Variants in RBFOX1 observed in about 807,000 individuals in gnomAD.
RBFOX1 encodes the protein RNA binding protein fox-1 homolog 1.
Under a neutral mutation model 57.7 loss-of-function variants are expected in RBFOX1, and 8 were observed. The observed-to-expected ratio is 0.14, with a 90% CI of 0.08 to 0.25. RBFOX1 has a LOEUF of 0.25. Among genes scored for constraint, RBFOX1 ranks in the 10% least tolerant of loss-of-function variants. The probability of loss-of-function intolerance (pLI) is 1.00; values close to 1 mark genes in which losing one functional copy is unlikely to be tolerated. For synonymous variants in RBFOX1, 326 were observed against 222.4 expected, an observed-to-expected ratio of 1.47 and a Z score of -4.15; for missense variants, 611 against 548.5, an observed-to-expected ratio of 1.11 and a Z score of -1.14.
At chr16:7,480,203 A>G (rs1749560709) in intron 4 of RBFOX1, among the ~76,000 whole-genome samples, 3 of 152,140 alleles carry the variant, frequency 2.0e-5, no homozygotes, top group Admixed American at 2.0e-4. Context: ...GGGTGAGGGG[A>G]TGTTCGTCTT....
At chr16:5,345,220 C>T (rs551224787) in intron 1 of RBFOX1, among the ~76,000 whole-genome samples, 21 of 152,308 alleles carry the variant, frequency 1.4e-4, no homozygotes, top group East Asian at 5.8e-4. Flanking sequence ...GTTCTCATTC[C>T]GCTTTGTGGC....
chr16:5,673,169 A>C (rs2050065635), intron 3 of RBFOX1, among the ~76,000 whole-genome samples: 1 of 152,114 alleles, frequency 6.6e-6, no homozygotes, highest in African/African-American at 2.4e-5. Flanking sequence ...TAGAAAAGAA[A>C]AATGGTTTTG....
intron 4 of RBFOX1, among the ~76,000 whole-genome samples, chr16:7,253,943 A>C (rs767337896): frequency 2.0e-5 from 3 of 152,168 alleles, no homozygotes; most frequent in Non-Finnish European, 4.4e-5. Flanking sequence ...GTATCTAGAA[A>C]GGGGACTATT....
intron 5 of RBFOX1, among the ~76,000 whole-genome samples, chr16:7,578,834 G>A (rs1567927964): frequency 6.6e-6 from 1 of 152,202 alleles, no homozygotes; most frequent in Non-Finnish European, 1.5e-5. Flanking sequence ...CCGAGAGTAT[G>A]GCAGTGGCTA....
intron 1 of RBFOX1, among the ~76,000 whole-genome samples, chr16:5,360,376 C>T (rs2065511187): frequency 6.6e-6 from 1 of 152,208 alleles, no homozygotes; most frequent in Non-Finnish European, 1.5e-5. Flanking sequence ...CTGTGTTCTG[C>T]TTCTTGAAAC....
At chr16:7,259,208 G>C (rs182741136) in intron 4 of RBFOX1, among the ~76,000 whole-genome samples, 16 of 152,238 alleles carry the variant, frequency 1.1e-4, no homozygotes, top group Admixed American at 8.5e-4. Context: ...ACTTGAGTAA[G>C]GGCTTTCTCT....
At chr16:6,572,443 C>T (rs751015124) in intron 2 of RBFOX1, among the ~76,000 whole-genome samples, 10 of 152,156 alleles carry the variant, frequency 6.6e-5, no homozygotes, top group Admixed American at 6.6e-4. Flanking sequence ...CTTTGTTGGG[C>T]TCTTATCTAA....
At chr16:6,588,314 C>G (rs1269113367) in intron 2 of RBFOX1, among the ~76,000 whole-genome samples, 1 of 151,860 alleles carries the variant, frequency 6.6e-6, no homozygotes, top group Non-Finnish European at 1.5e-5. Context: ...CTGGAACATG[C>G]ATCGCACTTA....
chr16:5,404,121 G>A (rs1440359584), intron 1 of RBFOX1, among the ~76,000 whole-genome samples: 1 of 151,432 alleles, frequency 6.6e-6, no homozygotes, highest in Non-Finnish European at 1.5e-5. Context: ...AGGAGATGGG[G>A]ATGATTAACA....
rs765676134 is a variant in RBFOX1 at position 5,239,859 on chromosome 16, C to G, written c.-28C>G. On this transcript the variant is annotated 5_prime_UTR_variant, in exon 1 of 3. Transcript: ENST00000585867. The stretch of plus-strand genomic sequence containing the variant: ...CGCTCGCGCCGGGTCCTTCCTCTTC[C>G]CCAAGTGCAGGCAGAGCCCCCGGAG... 7.6e-6 allele frequency: 7 copies of G among 917,218 alleles called. No homozygotes were observed. The South Asian group carries it at 9.8e-5, about 13-fold the overall frequency. 56.8% of individuals were successfully genotyped at this position (917,218 alleles called of 1,614,324 possible).
intron 1 of RBFOX1, among the ~76,000 whole-genome samples, chr16:6,259,084 A>G (rs1032152108): frequency 1.3e-5 from 2 of 152,170 alleles, no homozygotes; most frequent in East Asian, 1.9e-4. Flanking sequence ...TAATTTTACT[A>G]TGTCAGACAG....
chr16:7,344,176 A>G (rs541190385), intron 4 of RBFOX1, among the ~76,000 whole-genome samples: 2 of 142,780 alleles, frequency 1.4e-5, no homozygotes, highest in Non-Finnish European at 3.0e-5. Flanking sequence ...AAAATGGCCC[A>G]TATTAAAAGT....
At chr16:6,380,360 A>G (rs1291717371) in intron 2 of RBFOX1, among the ~76,000 whole-genome samples, 5 of 143,814 alleles carry the variant, frequency 3.5e-5, no homozygotes, top group Admixed American at 1.4e-4. Flanking sequence ...CCCCTCCCCA[A>G]CTTATAATGA....
At chr16:6,150,497 T>C (rs904826029) in intron 1 of RBFOX1, among the ~76,000 whole-genome samples, 4 of 152,220 alleles carry the variant, frequency 2.6e-5, no homozygotes, top group African/African-American at 9.6e-5. Flanking sequence ...TTAGTGCCTA[T>C]GTTGACCAGC....
At chr16:7,303,806 C>T (rs969871282) in intron 4 of RBFOX1, among the ~76,000 whole-genome samples, 4 of 150,796 alleles carry the variant, frequency 2.7e-5, no homozygotes, top group Non-Finnish European at 5.9e-5. Context: ...CTCTCTCTTC[C>T]TCTCTCCCTC....
chr16:5,860,793 A>G (rs899623428), intron 3 of RBFOX1, among the ~76,000 whole-genome samples: 2 of 152,136 alleles, frequency 1.3e-5, no homozygotes, highest in African/African-American at 4.8e-5. Context: ...GAAAAAAGCC[A>G]AGCTCCAGGG....
chr16:6,953,577 G>A (rs537146625), intron 3 of RBFOX1, among the ~76,000 whole-genome samples: 13 of 152,186 alleles, frequency 8.5e-5, no homozygotes, highest in African/African-American at 1.7e-4. Context: ...AGTAGAGATG[G>A]GGTTTTGCCA....
At chr16:6,860,618 G>A (rs994284338) in intron 3 of RBFOX1, among the ~76,000 whole-genome samples, 12 of 152,124 alleles carry the variant, frequency 7.9e-5, no homozygotes, top group African/African-American at 2.9e-4. Flanking sequence ...CAAAACATTA[G>A]GAAGACAACA....
chr16:6,890,266 C>G (rs555510351), intron 3 of RBFOX1, among the ~76,000 whole-genome samples: 1 of 152,136 alleles, frequency 6.6e-6, no homozygotes, highest in Non-Finnish European at 1.5e-5. Context: ...TGCCTGTAAT[C>G]CTGGCACTTT....
Sources: gnomAD v4.1 joint callset for allele counts (sites outside exome capture counted in the v4.1 genomes callset) on GRCh38, gnomAD v4.1.1 for gene constraint, MANE v1.5 for transcripts, NCBI Gene and HGNC (gene_info 2026-07-23, HGNC 2026-07-21) for gene names.